The following FAF1 variants were observed in gnomAD, a reference collection of about 807,000 sequenced individuals.
FAF1 encodes the protein FAS-associated factor 1.
Under a neutral mutation model 92.5 loss-of-function variants are expected in FAF1, and 25 were observed. That is an observed-to-expected ratio of 0.27 (90% confidence interval 0.20 to 0.38). The LOEUF is 0.38. FAF1 is among the 10% of genes least tolerant of loss of function. The pLI is 1.00. For missense variants in FAF1, 636 were observed against 793.3 expected, an observed-to-expected ratio of 0.80 and a Z score of 2.38; for synonymous variants, 234 against 273.2, an observed-to-expected ratio of 0.86 and a Z score of 1.42.
chr1:50,889,297 G>C (rs1461660822), intron 1 of FAF1, among the ~76,000 whole-genome samples: 1 of 151,990 alleles, frequency 6.6e-6, no homozygotes, highest in Non-Finnish European at 1.5e-5. Flanking sequence ...CAATTTTGCT[G>C]ATCTTTTAAA....
intron 9 of FAF1, among the ~76,000 whole-genome samples, chr1:50,592,281 T>C (rs1292238612): frequency 1.3e-5 from 2 of 152,120 alleles, no homozygotes; most frequent in Admixed American, 1.3e-4. Flanking sequence ...CTTTTTGTTG[T>C]TGTTAAGTTT....
intron 8 of FAF1, among the ~76,000 whole-genome samples, chr1:50,616,270 T>A (rs1652910677): frequency 6.6e-6 from 1 of 152,220 alleles, no homozygotes; most frequent in Non-Finnish European, 1.5e-5. Flanking sequence ...TACACTTTAG[T>A]TTGAAGTCCC....
chr1:50,777,702 G>C (rs1416685), intron 4 of FAF1, among the ~76,000 whole-genome samples: 65,060 of 150,598 alleles, frequency 0.43, 15,079 homozygotes, highest in African/African-American at 0.57. Context: ...TGTTATGAGG[G>C]CTAAATTCAA....
At chr1:50,916,873 T>TA (rs1302795865) in intron 1 of FAF1, among the ~76,000 whole-genome samples, 1 of 152,008 alleles carries the variant, frequency 6.6e-6, no homozygotes, top group Non-Finnish European at 1.5e-5. Context: ...AAGACAGAAA[T>TA]AAAAAGCAGA....
intron 13 of FAF1, among the ~76,000 whole-genome samples, chr1:50,565,119 T>C (rs924774088): frequency 6.6e-6 from 1 of 152,090 alleles, no homozygotes; most frequent in Admixed American, 6.6e-5. Context: ...CCAGTAATTA[T>C]CTTTTGTTAC....
At chr1:50,624,960 G>A (rs1435285727) in intron 8 of FAF1, among the ~76,000 whole-genome samples, 1 of 144,828 alleles carries the variant, frequency 6.9e-6, no homozygotes, top group Non-Finnish European at 1.5e-5. Flanking sequence ...GGAGTGCAAT[G>A]GCATGATCTC....
chr1:50,538,396 G>T (rs1648593872), intron 14 of FAF1, among the ~76,000 whole-genome samples: 1 of 151,748 alleles, frequency 6.6e-6, no homozygotes, highest in Non-Finnish European at 1.5e-5. Flanking sequence ...CATTCTTAAG[G>T]CTTTTTCTTT....
intron 13 of FAF1, among the ~76,000 whole-genome samples, chr1:50,550,585 C>G (rs1295638497): frequency 6.6e-6 from 1 of 152,042 alleles, no homozygotes; most frequent in Admixed American, 6.5e-5. Flanking sequence ...GGCTCTTCCT[C>G]TAAACTTTAT....
At chr1:50,584,235 T>G (rs971688755) in intron 10 of FAF1, among the ~76,000 whole-genome samples, 3 of 152,116 alleles carry the variant, frequency 2.0e-5, no homozygotes, top group African/African-American at 7.2e-5. Context: ...AGTACACATC[T>G]TGTAAGTGGA....
chr1:50,776,359 A>T (rs1167001381), intron 4 of FAF1, among the ~76,000 whole-genome samples: 1 of 152,170 alleles, frequency 6.6e-6, no homozygotes, highest in African/African-American at 2.4e-5. Flanking sequence ...TAGCTCTTCC[A>T]GTTTTATTTG....
chr1:50,511,336 G>A (rs2149023683), intron 15 of FAF1, among the ~76,000 whole-genome samples: 1 of 152,184 alleles, frequency 6.6e-6, no homozygotes, highest in South Asian at 2.1e-4. Flanking sequence ...ATTGTGGGTT[G>A]CTGCACCCAT....
intron 4 of FAF1, among the ~76,000 whole-genome samples, chr1:50,760,036 T>C (rs1412697624): frequency 6.6e-6 from 1 of 152,204 alleles, no homozygotes; most frequent in Non-Finnish European, 1.5e-5. Flanking sequence ...GAGTTCACTG[T>C]AGATTCTGGA....
intron 6 of FAF1, among the ~76,000 whole-genome samples, chr1:50,709,752 CT>C (rs1054019349): frequency 9.2e-5 from 14 of 152,198 alleles, no homozygotes; most frequent in Non-Finnish European, 1.9e-4. Flanking sequence ...AAGTTTACCG[CT>C]CATTCATTCA....
intron 6 of FAF1, among the ~76,000 whole-genome samples, chr1:50,711,324 G>A (rs1187986779): frequency 6.6e-6 from 1 of 152,174 alleles, no homozygotes; most frequent in African/African-American, 2.4e-5. Flanking sequence ...TGAAACATCA[G>A]CAAAAGGATC....
In FAF1 at chr1:50,697,456, C is replaced by A. The variant is rs1657282260; in HGVS notation, c.657+8330G>T. Reference sequence around the variant, plus strand: ...GGCCCCCCTAGCATACTGAGGTGACCCTGTACAAAGATTCTGATTGATCCT... The same window carrying A: ...GGCCCCCCTAGCATACTGAGGTGACACTGTACAAAGATTCTGATTGATCCT... On this transcript the variant is annotated intron_variant, in intron 7 of 18. Transcript: ENST00000396153. Among the ~76,000 whole-genome samples the A allele has an allele frequency of 2.0e-5, 3 of 152,020 alleles. No homozygotes were observed. The South Asian group carries it at 6.2e-4, about 32-fold the overall frequency.
intron 13 of FAF1, among the ~76,000 whole-genome samples, chr1:50,566,176 TC>T (rs1426189646): frequency 1.3e-5 from 2 of 152,130 alleles, no homozygotes; most frequent in African/African-American, 4.8e-5. Context: ...AGAATCATGT[TC>T]TTTTCTGATT....
chr1:50,505,014 T>TGCTTGTA (rs1274717490), intron 15 of FAF1, among the ~76,000 whole-genome samples: 1 of 152,192 alleles, frequency 6.6e-6, no homozygotes, highest in Non-Finnish European at 1.5e-5. Context: ...TGTAAGACTG[T>TGCTTGTA]AGAAGTCTTC....
At chr1:50,721,406 G>A (rs1207373578) in intron 6 of FAF1, among the ~76,000 whole-genome samples, 1 of 152,032 alleles carries the variant, frequency 6.6e-6, no homozygotes, top group Non-Finnish European at 1.5e-5. Context: ...GTAGAGACGG[G>A]GTTTCACCAT....
At chr1:50,649,724 C>T (rs1654767146) in intron 8 of FAF1, among the ~76,000 whole-genome samples, 2 of 142,168 alleles carry the variant, frequency 1.4e-5, no homozygotes, top group Non-Finnish European at 3.0e-5. Context: ...AGGTGGATCA[C>T]AAGGTCAGGA....
Sources: allele counts gnomAD v4.1 joint callset (sites outside exome capture counted in the v4.1 genomes callset), GRCh38; gene constraint gnomAD v4.1.1; transcripts MANE v1.5; gene names NCBI Gene and HGNC (gene_info 2026-07-23, HGNC 2026-07-21).